P4HB: variants seen among roughly 807,000 people sequenced by gnomAD.
The protein encoded by P4HB is protein disulfide-isomerase.
Under a neutral mutation model 52.6 loss-of-function variants are expected in P4HB, and 20 were observed. The observed-to-expected ratio is 0.38, with a 90% CI of 0.27 to 0.55. P4HB has a LOEUF of 0.55. P4HB is among the 20% of genes least tolerant of loss of function. The pLI is 0.74. For missense variants in P4HB, 601 were observed against 669.2 expected, an observed-to-expected ratio of 0.90 and a Z score of 1.12; for synonymous variants, 296 against 277.9, an observed-to-expected ratio of 1.07 and a Z score of -0.65.
At chr17:81,858,782 G>A (rs969391621) in intron 2 of P4HB, 11 of 203,066 alleles carry the variant, frequency 5.4e-5, no homozygotes, top group Admixed American at 1.6e-4. Flanking sequence ...CACGTGACGC[G>A]GCAGCTGGCA....
Position 81,860,384 on chromosome 17 carries a change from G to A in P4HB, c.88C>T (p.Arg30Trp). 1 of 1,470,774 alleles carries A rather than the reference G, an allele frequency of 6.8e-7. No homozygotes were observed. Among genetic ancestry groups the A allele is most frequent in the Non-Finnish European group, 9.0e-7 (1 of 1,110,054 alleles). The allele number at this position is 1,470,774 out of a possible 1,614,324, so 91.1% of individuals were successfully genotyped here. Reference protein sequence around the residue: ...PEEEDHVLVLRKSNFAEALAA... With the variant: ...PEEEDHVLVLWKSNFAEALAA... ...AGCGCCTCCGCGAAGTTGCTTTTCCGCAGCACCAGGACGTGGTCCTCCTCC... is the reference window on the plus strand; with the variant it reads ...AGCGCCTCCGCGAAGTTGCTTTTCCACAGCACCAGGACGTGGTCCTCCTCC... Residue 30 changes from arginine (R) to tryptophan (W), a missense_variant, in exon 1 of 11, where the codon CGG (arginine) becomes TGG (tryptophan). Coordinates refer to ENST00000331483, the MANE Select transcript of P4HB (RefSeq NM_000918.4).
At chr17:81,845,292 G>T in intron 9 of P4HB, 62 bp from the exon 10 acceptor site, 1 of 1,359,346 alleles carries the variant, frequency 7.4e-7, no homozygotes, top group South Asian at 1.2e-5. Flanking sequence ...TCCTGGCATT[G>T]GCTCCTCCTC....
rs111762775 is a variant in P4HB, at chr17:81,849,045, C to CA, written c.625-1699dup. 7.2e-3 allele frequency among the ~76,000 whole-genome samples: 845 copies of CA among 116,600 alleles called. 7 individuals are homozygous for CA. The highest frequency in any genetic ancestry group is 0.016 in the African/African-American group (508 of 31,366). The allele number at this position is 116,600 out of a possible 152,430, so 76.5% of individuals were successfully genotyped here. On this transcript the variant is annotated intron_variant, in intron 4 of 10. Coordinates refer to ENST00000331483, the MANE Select transcript of P4HB (RefSeq NM_000918.4). ...TGGGCAACAGAGCAAGACTCTGTCT[C>CA]AAAAAAAAAAAAAAATACAAAAATA...
At chr17:81,847,396 G>A in intron 4 of P4HB, 49 bp from the exon 5 acceptor site, 2 of 1,500,426 alleles carry the variant, frequency 1.3e-6, no homozygotes, top group Non-Finnish European at 1.9e-6. Flanking sequence ...TGGGAGCACA[G>A]CCCCTGGGCC....
At chr17:81,845,393 A>C in intron 9 of P4HB, 163 bp from the exon 10 acceptor site, 2 of 831,368 alleles carry the variant, frequency 2.4e-6, no homozygotes, top group Admixed American at 2.4e-5. Flanking sequence ...CAATATAGTG[A>C]GATCCCATCT....
chr17:81,860,076 C>A (rs934071074), intron 1 of P4HB: 8 of 371,562 alleles, frequency 2.2e-5, no homozygotes, highest in Non-Finnish European at 3.9e-5. Flanking sequence ...ACAGGTCGAT[C>A]CTGTTCTTCT....
In P4HB at chr17:81,843,632, G is replaced by A. The variant is rs201922333; in HGVS notation, c.*380C>T. Reference sequence around the variant, plus strand: ...AAGGTGGAACAAATACCCTGATGTCGAAAAATGTCTAAAAATCCCACAGAC... The same window carrying A: ...AAGGTGGAACAAATACCCTGATGTCAAAAAATGTCTAAAAATCCCACAGAC... On this transcript the variant is annotated 3_prime_UTR_variant, in exon 11 of 11. Transcript: ENST00000331483. 51 of 464,556 alleles carry A rather than the reference G, an allele frequency of 1.1e-4. No homozygotes were observed. Among genetic ancestry groups the A allele is most frequent in the African/African-American group, 7.5e-4 (38 of 50,402 alleles). The allele number at this position is 464,556 out of a possible 1,614,324, so 28.8% of individuals were successfully genotyped here. A position where few individuals can be genotyped will look rare whatever the true frequency, so the allele number is the denominator to read the frequency against.
At chr17:81,853,214 G>A (rs995473669) in intron 4 of P4HB, among the ~76,000 whole-genome samples, 10 of 152,136 alleles carry the variant, frequency 6.6e-5, no homozygotes, top group African/African-American at 1.4e-4. Flanking sequence ...GCACCACCGC[G>A]CTCCAGGAAG....
rs1598263344 is a variant in P4HB, at chr17:81,845,717, T to C, written c.1203A>G (p.Lys401=). Residue 401 remains lysine (K), a synonymous_variant, in exon 9 of 11, where the codon AAA becomes AAG. Transcript: ENST00000331483. ...GTTTATCCCAAATGGGAGCCAACTG[T>C]TTGCAGTGACCACACCATGGGGCAT... is the stretch of plus-strand genomic sequence containing the variant. ...EFYAPWCGHC[K]QLAPIWDKLG... is the part of the protein sequence containing the mutation. The C allele has an allele frequency of 1.2e-6, 2 of 1,613,648 alleles. No homozygotes were observed. Among genetic ancestry groups the C allele is most frequent in the Non-Finnish European group, 1.7e-6 (2 of 1,179,646 alleles).
Position 81,845,858 on chromosome 17 carries a change from G to A in P4HB, c.1177+13C>T, listed in dbSNP as rs2038727755. 1 of 1,614,010 alleles carries A rather than the reference G, an allele frequency of 6.2e-7. No homozygotes were observed. Among genetic ancestry groups the A allele is most frequent in the Admixed American group, 1.7e-5 (1 of 60,012 alleles). ...GTGGCACGGACCTGGGGAGCTGAAA[G>A]GGCAACACTTACAGAACTCCACAAA... On this transcript the variant is annotated intron_variant, in intron 8 of 10. Transcript: ENST00000331483.
Position 81,846,762 on chromosome 17 carries a change from A to G in P4HB, c.856-133T>C. ...CTGGATTCCGGGGTTGCCCAACCAG[A>G]CCAGCAGGTGACTGGGAGCAGAGGT... On this transcript the variant is annotated intron_variant, in intron 6 of 10. Transcript: ENST00000331483. The surrounding 1 kb of genome is among the most constrained non-coding windows in gnomAD (Gnocchi z 5.7). 8.3e-7 allele frequency: 1 copy of G among 1,207,990 alleles called. No homozygotes were observed. The highest frequency in any genetic ancestry group is 1.2e-6 in the Non-Finnish European group (1 of 843,602). 74.8% of individuals were successfully genotyped at this position (1,207,990 alleles called of 1,614,324 possible). A position where few individuals can be genotyped will look rare whatever the true frequency, so the allele number is the denominator to read the frequency against.
Position 81,859,337 on chromosome 17 carries a change from CT to C in P4HB, c.195del (p.Ala66ProfsTer5). Reference protein sequence around the residue: ...HCKALAPEYAKAAGKLKAEGS... With the variant: ...HCKALAPEYAXAAGKLKAEGS... Reference sequence around the variant, plus strand: ...CCTTCTGCCTTCAGCTTCCCAGCGGCTTTGGCATACTCAGGGGCCAGAGCCT... The same window carrying C: ...CCTTCTGCCTTCAGCTTCCCAGCGGCTTGGCATACTCAGGGGCCAGAGCCT... On this transcript the variant is annotated frameshift_variant, in exon 2 of 11. Transcript: ENST00000331483. LOFTEE classifies it high-confidence loss of function. The C allele has an allele frequency of 6.2e-7, 1 of 1,613,924 alleles. No homozygotes were observed. Among genetic ancestry groups the C allele is most frequent in the Non-Finnish European group, 8.5e-7 (1 of 1,180,018 alleles).
At chr17:81,847,397 C>T in intron 4 of P4HB, 50 bp from the exon 5 acceptor site, 1 of 1,500,718 alleles carries the variant, frequency 6.7e-7, no homozygotes, top group Non-Finnish European at 9.3e-7. Context: ...GGGAGCACAG[C>T]CCCTGGGCCC....
At chr17:81,857,449 T>C (rs2038929417) in intron 2 of P4HB, among the ~76,000 whole-genome samples, 1 of 152,220 alleles carries the variant, frequency 6.6e-6, no homozygotes, top group African/African-American at 2.4e-5. Context: ...GCACCCAGCC[T>C]GTCCTCTGCG....
chr17:81,846,124 C>T lies in P4HB; in HGVS notation c.1057-133G>A, dbSNP rs2038731947. 1.7e-6 allele frequency: 2 copies of T among 1,174,212 alleles called. No individual in the cohort carries two copies. Among genetic ancestry groups the T allele is most frequent in the South Asian group, 1.6e-5 (1 of 62,012 alleles). The allele number at this position is 1,174,212 out of a possible 1,614,324, so 72.7% of individuals were successfully genotyped here. On this transcript the variant is annotated intron_variant, in intron 7 of 10. Coordinates refer to ENST00000331483, the MANE Select transcript of P4HB (RefSeq NM_000918.4). The surrounding 1 kb of genome is among the most constrained non-coding windows in gnomAD (Gnocchi z 5.7). ...CCAGGGTGGCAGCCGCAGACACCAA[C>T]AGTGCCAAGAATCCAGAAAGAGAAG...
chr17:81,849,643 G>A (rs1025496944), intron 4 of P4HB, among the ~76,000 whole-genome samples: 2 of 152,142 alleles, frequency 1.3e-5, no homozygotes, highest in Non-Finnish European at 2.9e-5. Flanking sequence ...GCTTCAGGGA[G>A]TCCTAAGGCC....
chr17:81,843,961 G>A lies in P4HB; in HGVS notation c.*51C>T, dbSNP rs779201521. On this transcript the variant is annotated 3_prime_UTR_variant, in exon 11 of 11. Transcript: ENST00000331483. ...GCTTCGGAGGCGTGCGCTGCTGCTG[G>A]GTGTGCAGCCCCCGAGGGGTCTCGG... The A allele has an allele frequency of 2.2e-5, 29 of 1,316,854 alleles. No individual in the cohort carries two copies. The South Asian group carries it at 3.4e-4, about 15-fold the overall frequency. 81.6% of individuals were successfully genotyped at this position (1,316,854 alleles called of 1,614,324 possible).
At chr17:81,849,875 T>A (rs146482288) in intron 4 of P4HB, among the ~76,000 whole-genome samples, 8,271 of 152,176 alleles carry the variant, frequency 0.054, 530 homozygotes, top group East Asian at 0.17. Flanking sequence ...TCACCCAGGC[T>A]GGAGTGCAAT....
chr17:81,859,248 G>A lies in P4HB; in HGVS notation c.285C>T (p.Gly95=), dbSNP rs201315972. Residue 95 remains glycine, a synonymous_variant, in exon 2 of 11, where the codon GGC becomes GGT. Transcript: ENST00000331483. ...ACTTGATGGTGGGATAGCCGCGCAC[G>A]CCGTACTGCTGGGCCAGGTCAGACT... is the stretch of plus-strand genomic sequence containing the variant. ...TEESDLAQQY[G]VRGYPTIKFF... The A allele has an allele frequency of 1.1e-5, 17 of 1,613,988 alleles. No homozygotes were observed. The African/African-American group carries it at 1.1e-4, about 10-fold the overall frequency.
Sources: gnomAD v4.1 joint callset for allele counts (sites outside exome capture counted in the v4.1 genomes callset) on GRCh38, gnomAD v4.1.1 for gene constraint, Gnocchi (gnomAD v3.1) non-coding constraint, MANE v1.5 for transcripts, NCBI Gene and HGNC (gene_info 2026-07-23, HGNC 2026-07-21) for gene names.